PCNX2: variants seen among roughly 807,000 people sequenced by gnomAD.
PCNX2 encodes pecanex-like protein 2.
A neutral mutation model predicts 223.8 loss-of-function variants in PCNX2; 168 were observed. The observed-to-expected ratio is 0.75, with a 90% CI of 0.66 to 0.85. The LOEUF (loss-of-function observed/expected upper bound fraction) is 0.85, where lower values mean the gene tolerates loss of function less well. Ranked by LOEUF, PCNX2 falls within the 40% of genes least tolerant of loss-of-function variation. PCNX2 has a pLI of 0.00. For missense variants in PCNX2, 2,507 were observed against 2,675.5 expected (o/e 0.94, Z 1.39); for synonymous variants, 1,006 against 1,052.6 (o/e 0.96, Z 0.86).
At chr1:233,194,963 G>A (rs891355384) in intron 15 of PCNX2, among the ~76,000 whole-genome samples, 5 of 147,936 alleles carry the variant, frequency 3.4e-5, no homozygotes, top group Non-Finnish European at 7.4e-5. Context: ...CTTGCAGTGA[G>A]CCAAGATCAC....
At position 233,000,371 on chromosome 1, in the gene PCNX2, G is replaced by A. The variant is rs775404755; in HGVS notation, c.5262C>T (p.Asp1754=). 21 of 1,613,574 alleles carry A rather than the reference G, an allele frequency of 1.3e-5. No individual in the cohort carries two copies. The Middle Eastern group carries it at 5.0e-4, about 38-fold the overall frequency. ...TGACCTTGTACTCGTCGGCACCCTC[G>A]TCCACCACGTGCCGCAGGGTGAGCA... is the stretch of plus-strand genomic sequence containing the variant. ...EELLTLRHVV[D]EGADEYKVIM... Residue 1754 remains aspartate (D), a synonymous_variant, in exon 30 of 34, where the codon GAC becomes GAT. Coordinates refer to ENST00000258229, the MANE Select transcript of PCNX2 (RefSeq NM_014801.4). The surrounding 1 kb of genome is among the most constrained non-coding windows in gnomAD (Gnocchi z 4.6).
At chr1:233,202,762 A>G (rs1394318421) in intron 13 of PCNX2, among the ~76,000 whole-genome samples, 1 of 152,186 alleles carries the variant, frequency 6.6e-6, no homozygotes, top group Non-Finnish European at 1.5e-5. Flanking sequence ...GGATTTATAA[A>G]CCTAAGGACC....
chr1:233,112,714 C>CCG, intron 21 of PCNX2: 9 of 617,990 alleles, frequency 1.5e-5, no homozygotes, highest in South Asian at 8.5e-5. Context: ...GATCTTTGAA[C>CCG]AATATAACTA....
At chr1:233,194,916 C>A (rs1270961118) in intron 15 of PCNX2, among the ~76,000 whole-genome samples, 1 of 150,844 alleles carries the variant, frequency 6.6e-6, no homozygotes, top group Admixed American at 6.6e-5. Flanking sequence ...ACTGGGGAGG[C>A]TGAGGCAGGA....
intron 23 of PCNX2, among the ~76,000 whole-genome samples, chr1:233,073,309 A>C (rs1332977451): frequency 2.0e-5 from 3 of 152,126 alleles, no homozygotes; most frequent in Non-Finnish European, 4.4e-5. Flanking sequence ...AAGGTTTGTC[A>C]ATTTATGTTT....
chr1:233,254,947 T>A (rs1451192254), intron 5 of PCNX2, among the ~76,000 whole-genome samples: 1 of 152,212 alleles, frequency 6.6e-6, no homozygotes, highest in Non-Finnish European at 1.5e-5. Context: ...CATTCATGAT[T>A]CTTTCCCTAG....
intron 19 of PCNX2, among the ~76,000 whole-genome samples, chr1:233,156,150 T>C (rs1678110168): frequency 6.6e-6 from 1 of 152,228 alleles, no homozygotes; most frequent in Non-Finnish European, 1.5e-5. Context: ...AATATTTACT[T>C]TCAATAAATT....
intron 25 of PCNX2, among the ~76,000 whole-genome samples, chr1:233,050,703 A>AT (rs1671973433): frequency 6.6e-6 from 1 of 152,230 alleles, no homozygotes; most frequent in East Asian, 1.9e-4. Context: ...TAAAGATTTA[A>AT]ATGTAAGACC....
chr1:233,312,400 T>C, the PCNX2 span, among the ~76,000 whole-genome samples: 1 of 152,124 alleles, frequency 6.6e-6, no homozygotes, highest in Non-Finnish European at 1.5e-5. Context: ...CCCCAGAAGA[T>C]ACTAAAAGTC....
intron 19 of PCNX2, among the ~76,000 whole-genome samples, chr1:233,150,876 C>G (rs910845035): frequency 1.3e-5 from 2 of 152,026 alleles, no homozygotes; most frequent in Admixed American, 6.6e-5. Flanking sequence ...TCAATTAACA[C>G]CAAACCATAA....
At chr1:233,243,791 ACT>A in intron 8 of PCNX2, among the ~76,000 whole-genome samples, 1 of 152,270 alleles carries the variant, frequency 6.6e-6, no homozygotes, top group South Asian at 2.1e-4. Context: ...TATGGCAGGC[ACT>A]GTCCTAAGCA....
the PCNX2 span, among the ~76,000 whole-genome samples, chr1:233,315,194 T>C: frequency 6.6e-6 from 1 of 152,172 alleles, no homozygotes; most frequent in Non-Finnish European, 1.5e-5. Context: ...CATTCACATA[T>C]AAGAGAAGAA....
intron 10 of PCNX2, among the ~76,000 whole-genome samples, chr1:233,218,538 C>A (rs1169411509): frequency 6.6e-6 from 1 of 152,144 alleles, no homozygotes; most frequent in Admixed American, 6.5e-5. Context: ...GCGTGAGCCA[C>A]CGTGCCCAGC....
At chr1:233,068,558 T>G (rs1443436988) in intron 23 of PCNX2, among the ~76,000 whole-genome samples, 2 of 152,090 alleles carry the variant, frequency 1.3e-5, no homozygotes, top group Non-Finnish European at 2.9e-5. Context: ...CAGAAAATAT[T>G]CATGACATCA....
At chr1:233,266,517 ACAT>A (rs1660339030) in intron 1 of PCNX2, among the ~76,000 whole-genome samples, 1 of 152,200 alleles carries the variant, frequency 6.6e-6, no homozygotes, top group Admixed American at 6.5e-5. Flanking sequence ...TTGACTGCAG[ACAT>A]CATCATACTC....
chr1:233,066,840 C>T (rs1558199433), intron 23 of PCNX2, among the ~76,000 whole-genome samples: 1 of 152,216 alleles, frequency 6.6e-6, no homozygotes, highest in South Asian at 2.1e-4. Flanking sequence ...CCAAAAGAGA[C>T]TGAGTTCAGA....
At chr1:233,188,026 T>C (rs1680204707) in intron 15 of PCNX2, among the ~76,000 whole-genome samples, 1 of 152,242 alleles carries the variant, frequency 6.6e-6, no homozygotes, top group South Asian at 2.1e-4. Flanking sequence ...TAGTTATCGT[T>C]GGTATTAGCT....
At chr1:233,047,872 T>A (rs1671873333) in intron 25 of PCNX2, among the ~76,000 whole-genome samples, 1 of 151,948 alleles carries the variant, frequency 6.6e-6, no homozygotes, top group Admixed American at 6.6e-5. Context: ...CTAATAGAAA[T>A]CTATAGAATA....
intron 5 of PCNX2, among the ~76,000 whole-genome samples, chr1:233,254,121 A>T (rs953591334): frequency 3.9e-5 from 6 of 152,362 alleles, no homozygotes; most frequent in African/African-American, 1.2e-4. Flanking sequence ...CCTTGCATAT[A>T]TAACAAAGTT....
Sources: gnomAD v4.1 joint callset for allele counts (sites outside exome capture counted in the v4.1 genomes callset) on GRCh38, gnomAD v4.1.1 for gene constraint, Gnocchi (gnomAD v3.1) non-coding constraint, MANE v1.5 for transcripts, NCBI Gene and HGNC (gene_info 2026-07-23, HGNC 2026-07-21) for gene names.